The following CA8 variants were observed in gnomAD, a reference collection of about 807,000 sequenced individuals.
The protein encoded by CA8 is carbonic anhydrase 8 (inactive).
Under a neutral mutation model 41.4 loss-of-function variants are expected in CA8, and 22 were observed. The observed-to-expected ratio is 0.53, with a 90% CI of 0.38 to 0.76. The LOEUF is 0.76. CA8 is among the 30% of genes least tolerant of loss of function. The pLI is 0.00. For missense variants in CA8, 270 were observed against 352.8 expected, an observed-to-expected ratio of 0.77 and a Z score of 1.88; for synonymous variants, 121 against 130.6, an observed-to-expected ratio of 0.93 and a Z score of 0.50.
In CA8 at chr8:60,229,457, G is replaced by T. The variant is rs113227533; in HGVS notation, c.514-2522C>A. ...GGGGACCATCTTCTAAGGCTATCAC[G>T]CCCTCCTTCTTTCTCCCTTACTGAC... On this transcript the variant is annotated intron_variant, in intron 4 of 8. Coordinates refer to ENST00000317995, the MANE Select transcript of CA8 (RefSeq NM_004056.6). Among the ~76,000 whole-genome samples the T allele has an allele frequency of 4.9e-3, 739 of 152,130 alleles. 7 individuals are homozygous for T. Among genetic ancestry groups the T allele is most frequent in the African/African-American group, 0.016 (684 of 41,500 alleles).
chr8:60,280,978 C>CG (rs1433624587), intron 1 of CA8, 70 bp downstream of exon 1: 5 of 1,147,622 alleles, frequency 4.4e-6, no homozygotes, highest in Non-Finnish European at 6.5e-6. Context: ...CAGCAGGACT[C>CG]GAGTCCCGCG....
At chr8:60,272,971 C>A (rs1003995512) in intron 2 of CA8, among the ~76,000 whole-genome samples, 3 of 152,182 alleles carry the variant, frequency 2.0e-5, no homozygotes, top group Non-Finnish European at 4.4e-5. Context: ...TCCTGCAGTC[C>A]CCACCAGCCC....
At chr8:60,280,104 C>T (rs1170920110) in intron 1 of CA8, among the ~76,000 whole-genome samples, 1 of 152,056 alleles carries the variant, frequency 6.6e-6, no homozygotes, top group Non-Finnish European at 1.5e-5. Flanking sequence ...GCAAAATATT[C>T]TATTTGTATT....
intron 3 of CA8, among the ~76,000 whole-genome samples, chr8:60,257,193 C>T (rs74907978): frequency 0.045 from 6,792 of 152,140 alleles, 202 homozygotes; most frequent in South Asian, 0.13. Flanking sequence ...GGCCAGGCTG[C>T]TCTCGAACTC....
intron 6 of CA8, among the ~76,000 whole-genome samples, chr8:60,223,633 T>A (rs978074092): frequency 1.3e-5 from 2 of 152,222 alleles, no homozygotes; most frequent in Non-Finnish European, 2.9e-5. Context: ...ATACTGCTTC[T>A]GCAACAGCAA....
intron 3 of CA8, among the ~76,000 whole-genome samples, chr8:60,249,515 T>C (rs1382191346): frequency 6.6e-6 from 1 of 152,204 alleles, no homozygotes; most frequent in Non-Finnish European, 1.5e-5. Flanking sequence ...AATAAAATTT[T>C]CATTGTGTAT....
intron 2 of CA8, among the ~76,000 whole-genome samples, chr8:60,272,527 T>C (rs554024897): frequency 1.4e-4 from 22 of 152,332 alleles, no homozygotes; most frequent in East Asian, 1.2e-3. Context: ...TACTGAAGGA[T>C]TGGCCTTTCC....
chr8:60,218,763 AG>A (rs1419041327), intron 7 of CA8, among the ~76,000 whole-genome samples: 2 of 152,196 alleles, frequency 1.3e-5, no homozygotes, highest in Admixed American at 6.5e-5. Flanking sequence ...TTGTAGGAAA[AG>A]TAAATGCAGA....
At chr8:60,190,610 T>C (rs189307666) in intron 8 of CA8, among the ~76,000 whole-genome samples, 89 of 150,410 alleles carry the variant, frequency 5.9e-4, no homozygotes, top group African/African-American at 1.8e-3. Flanking sequence ...AGTGGGAAAT[T>C]TGCAGTCTTA....
At chr8:60,235,671 A>G (rs1329600930) in intron 3 of CA8, among the ~76,000 whole-genome samples, 1 of 152,236 alleles carries the variant, frequency 6.6e-6, no homozygotes, top group African/African-American at 2.4e-5. Flanking sequence ...CAGGAAAATT[A>G]TAAGTGCTTT....
chr8:60,268,765 C>T (rs576667600), intron 2 of CA8, among the ~76,000 whole-genome samples: 1 of 152,048 alleles, frequency 6.6e-6, no homozygotes, highest in Non-Finnish European at 1.5e-5. Context: ...ATTCTATTAT[C>T]CTGAAGTGTA....
intron 3 of CA8, chr8:60,264,846 A>G (rs1202503197): frequency 2.0e-5 from 3 of 152,226 alleles, no homozygotes; most frequent in Admixed American, 6.5e-5. Flanking sequence ...ATGCTGTCAA[A>G]CACTTCAACA....
intron 8 of CA8, among the ~76,000 whole-genome samples, chr8:60,195,659 CTG>C (rs1271909642): frequency 6.6e-6 from 1 of 152,144 alleles, no homozygotes; most frequent in Non-Finnish European, 1.5e-5. Flanking sequence ...CTGGAGTTAG[CTG>C]TGTGTCTGAT....
chr8:60,210,546 T>C (rs965854592), intron 7 of CA8, among the ~76,000 whole-genome samples: 5 of 151,804 alleles, frequency 3.3e-5, no homozygotes, highest in Admixed American at 6.6e-5. Context: ...CACTCATACA[T>C]AGAGTTGGAA....
At chr8:60,211,158 T>A (rs192120008) in intron 7 of CA8, among the ~76,000 whole-genome samples, 2 of 152,162 alleles carry the variant, frequency 1.3e-5, no homozygotes, top group African/African-American at 4.8e-5. Flanking sequence ...ATAACAGTAT[T>A]CACAAGGATA....
intron 3 of CA8, among the ~76,000 whole-genome samples, chr8:60,239,686 T>C (rs1271333392): frequency 6.6e-6 from 1 of 152,162 alleles, no homozygotes; most frequent in Admixed American, 6.5e-5. Context: ...CCCACCCAAA[T>C]CTCATCTTGA....
At chr8:60,217,719 T>C (rs183741622) in intron 7 of CA8, among the ~76,000 whole-genome samples, 1 of 152,294 alleles carries the variant, frequency 6.6e-6, no homozygotes, top group Non-Finnish European at 1.5e-5. Context: ...AGCAATACCT[T>C]ACACTTGCCA....
intron 2 of CA8, among the ~76,000 whole-genome samples, chr8:60,274,423 C>G (rs1306905238): frequency 2.6e-5 from 4 of 152,138 alleles, no homozygotes; most frequent in African/African-American, 4.8e-5. Context: ...AAGCTAAAAG[C>G]TAAGTAACTA....
chr8:60,205,800 A>G (rs1806557817), intron 8 of CA8, among the ~76,000 whole-genome samples: 1 of 152,218 alleles, frequency 6.6e-6, no homozygotes, highest in African/African-American at 2.4e-5. Context: ...AACTAAAGTT[A>G]TTTCAGTAAA....
Sources: allele counts gnomAD v4.1 joint callset (sites outside exome capture counted in the v4.1 genomes callset), GRCh38; gene constraint gnomAD v4.1.1; transcripts MANE v1.5; gene names NCBI Gene and HGNC (gene_info 2026-07-23, HGNC 2026-07-21).